RALGAPA1: variants seen among roughly 807,000 people sequenced by gnomAD.
RALGAPA1 encodes the protein ral GTPase-activating protein subunit alpha-1.
A neutral mutation model predicts 269.6 loss-of-function variants in RALGAPA1; 52 were observed. The observed-to-expected ratio is 0.19, with a 90% CI of 0.15 to 0.24. RALGAPA1 has a LOEUF of 0.24. RALGAPA1 is among the 10% of genes least tolerant of loss of function. RALGAPA1 has a pLI of 1.00. For synonymous variants in RALGAPA1, 817 were observed against 1,008.3 expected (o/e 0.81, Z 3.60); for missense variants, 1,917 against 3,013.9 (o/e 0.64, Z 8.52).
In RALGAPA1 at chr14:35,689,790, A is replaced by C; in HGVS notation, c.2621T>G (p.Leu874Trp). Residue 874 changes from leucine (L) to tryptophan (W), a missense_variant, in exon 18 of 42, where the codon TTG (leucine) becomes TGG (tryptophan). Coordinates refer to ENST00000680220, the MANE Select transcript of RALGAPA1 (RefSeq NM_001346249.2). Reference sequence around the variant, plus strand: ...TGAAGAAGCCTCTGTGGAACTCTGCAAGCTTGGTGCATGACGGGATGAACT... The same window carrying C: ...TGAAGAAGCCTCTGTGGAACTCTGCCAGCTTGGTGCATGACGGGATGAACT... ...IDSSSRHAPS[L>W]QSSTEASSIT... 1 of 1,547,246 alleles carries C rather than the reference A, an allele frequency of 6.5e-7. No homozygotes were observed. The highest frequency in any genetic ancestry group is 8.7e-7 in the Non-Finnish European group (1 of 1,155,874).
chr14:35,739,660 C>T (rs771877986), intron 11 of RALGAPA1, among the ~76,000 whole-genome samples: 4 of 152,240 alleles, frequency 2.6e-5, no homozygotes, highest in South Asian at 4.1e-4. Context: ...AAGAAACTTG[C>T]GACACCTCCC....
chr14:35,684,250 C>G (rs767866181), intron 20 of RALGAPA1, among the ~76,000 whole-genome samples: 24 of 152,116 alleles, frequency 1.6e-4, no homozygotes, highest in Non-Finnish European at 2.9e-4. Flanking sequence ...GTTTTGACTT[C>G]TTTTTTAAAA....
intron 4 of RALGAPA1, chr14:35,766,705 A>G: frequency 3.4e-6 from 2 of 583,402 alleles, no homozygotes; most frequent in East Asian, 8.5e-5. Flanking sequence ...AAATATGAAA[A>G]TTATTTCATC....
chr14:35,772,783 A>C lies in RALGAPA1; in HGVS notation c.268-1784T>G, dbSNP rs564468325. On this transcript the variant is annotated intron_variant, in intron 3 of 41. Transcript: ENST00000680220. The stretch of plus-strand genomic sequence containing the variant: ...TTAGGTTACAAAGCTAGAAAGTGAA[A>C]GAACAGAGGTTCCAAATTCAATACG... Among the ~76,000 whole-genome samples the C allele has an allele frequency of 4.1e-3, 628 of 152,362 alleles. 3 individuals are homozygous for C. Among genetic ancestry groups the C allele is most frequent in the African/African-American group, 0.015 (606 of 41,590 alleles).
chr14:35,732,352 A>C (rs2070568383), intron 12 of RALGAPA1, among the ~76,000 whole-genome samples: 1 of 152,168 alleles, frequency 6.6e-6, no homozygotes, highest in African/African-American at 2.4e-5. Flanking sequence ...AAAAAAAAAA[A>C]ACCAAGGTAC....
At chr14:35,667,194 G>C (rs1304488720) in intron 26 of RALGAPA1, among the ~76,000 whole-genome samples, 1 of 152,172 alleles carries the variant, frequency 6.6e-6, no homozygotes, top group African/African-American at 2.4e-5. Context: ...GAGATCAACA[G>C]TTCGAGACCA....
At chr14:35,600,234 T>TTTC (rs1184710899) in intron 36 of RALGAPA1, among the ~76,000 whole-genome samples, 1 of 138,518 alleles carries the variant, frequency 7.2e-6, no homozygotes. Context: ...CTTTTTTTCT[T>TTTC]TTTTTTTTTT....
At chr14:35,677,355 T>C (rs1446495691) in intron 22 of RALGAPA1, 1 of 153,166 alleles carries the variant, frequency 6.5e-6, no homozygotes. Flanking sequence ...ATGCCATAAA[T>C]GTGCATATTT....
intron 1 of RALGAPA1, among the ~76,000 whole-genome samples, chr14:35,804,767 CA>C (rs1012469702): frequency 1.3e-4 from 20 of 149,956 alleles, no homozygotes; most frequent in Admixed American, 1.3e-3. Context: ...CCCATCTCTA[CA>C]AAAAAAAATT....
chr14:35,652,408 T>A (rs1485617153), intron 30 of RALGAPA1, among the ~76,000 whole-genome samples: 8 of 151,816 alleles, frequency 5.3e-5, no homozygotes, highest in African/African-American at 1.5e-4. Context: ...AAGGCTTTTT[T>A]AAAAATGTGA....
chr14:35,679,872 G>A (rs142626238), intron 21 of RALGAPA1, among the ~76,000 whole-genome samples: 6 of 152,150 alleles, frequency 3.9e-5, no homozygotes, highest in East Asian at 1.9e-4. Context: ...TATATCAAAT[G>A]AGTAATCATA....
rs376013955 is a variant in RALGAPA1, at chr14:35,748,622, C to G, written c.1214G>C (p.Arg405Thr). Residue 405 changes from arginine to threonine, a missense_variant, in exon 10 of 42, where the codon AGG (arginine) becomes ACG (threonine). Physicochemically the swap from Arg to Thr is moderately conservative, Grantham distance 71. Transcript: ENST00000680220. ...CTCTGTCACAAAGTTTACATTACTC[C>G]TTTTAGAAGAAAAAACTCTGCGAAC... ...EIVRRVFSSK[R>T]SNVNFVTEIF... The G allele has an allele frequency of 6.2e-6, 10 of 1,610,568 alleles. No individual in the cohort carries two copies. The highest frequency in any genetic ancestry group is 8.5e-6 in the Non-Finnish European group (10 of 1,178,262).
At chr14:35,626,302 A>G (rs1952105062) in intron 34 of RALGAPA1, among the ~76,000 whole-genome samples, 2 of 152,168 alleles carry the variant, frequency 1.3e-5, no homozygotes, top group Admixed American at 1.3e-4. Context: ...AATGCTTGAC[A>G]TACATTTGAA....
intron 35 of RALGAPA1, among the ~76,000 whole-genome samples, chr14:35,611,987 A>G (rs2059963509): frequency 6.6e-6 from 1 of 152,226 alleles, no homozygotes; most frequent in African/African-American, 2.4e-5. Context: ...TCATATTTAT[A>G]GTTAATTGCT....
At chr14:35,804,447 T>C (rs1595619658) in intron 1 of RALGAPA1, among the ~76,000 whole-genome samples, 1 of 151,750 alleles carries the variant, frequency 6.6e-6, no homozygotes, top group Non-Finnish European at 1.5e-5. Context: ...TGCACACTTG[T>C]AATCCCAGCT....
chr14:35,635,432 T>C, intron 32 of RALGAPA1, 32 bp downstream of exon 32: 1 of 1,549,886 alleles, frequency 6.5e-7, no homozygotes. Context: ...AACTCTTGGT[T>C]ACCAAATAAA....
chr14:35,642,209 A>G (rs935211761), intron 31 of RALGAPA1, among the ~76,000 whole-genome samples: 1 of 152,242 alleles, frequency 6.6e-6, no homozygotes, highest in Non-Finnish European at 1.5e-5. Flanking sequence ...GTAATACCCT[A>G]CAAGCACAGG....
chr14:35,748,624 T>C lies in RALGAPA1; in HGVS notation c.1212A>G (p.Lys404=). The change falls in exon 10 of 42, where the codon AAA becomes AAG. Residue 404 remains lysine, a synonymous_variant. Coordinates refer to ENST00000680220, the MANE Select transcript of RALGAPA1 (RefSeq NM_001346249.2). Reference sequence around the variant, plus strand: ...CTGTCACAAAGTTTACATTACTCCTTTTAGAAGAAAAAACTCTGCGAACTA... The same window carrying C: ...CTGTCACAAAGTTTACATTACTCCTCTTAGAAGAAAAAACTCTGCGAACTA... ...IEIVRRVFSS[K]RSNVNFVTEI... 6 of 1,611,420 alleles carry C rather than the reference T, an allele frequency of 3.7e-6. No individual in the cohort carries two copies. The highest frequency in any genetic ancestry group is 1.1e-5 in the South Asian group (1 of 90,730).
At chr14:35,668,945 T>C (rs982271863) in intron 26 of RALGAPA1, among the ~76,000 whole-genome samples, 1 of 152,218 alleles carries the variant, frequency 6.6e-6, no homozygotes, top group Non-Finnish European at 1.5e-5. Flanking sequence ...TCTTACAGAT[T>C]AACTAGCTCC....
Sources: allele counts gnomAD v4.1 joint callset (sites outside exome capture counted in the v4.1 genomes callset), GRCh38; gene constraint gnomAD v4.1.1; transcripts MANE v1.5; gene names NCBI Gene and HGNC (gene_info 2026-07-23, HGNC 2026-07-21).